The following PDE4D variants were observed in gnomAD, a reference collection of about 807,000 sequenced individuals.
The protein encoded by PDE4D is 3',5'-cyclic-AMP phosphodiesterase 4D.
In PDE4D, 24 loss-of-function variants were observed where a neutral mutation model predicts 87.4. The observed-to-expected ratio is 0.27, with a 90% CI of 0.20 to 0.39. PDE4D has a LOEUF of 0.39. Ranked by LOEUF, PDE4D falls within the 10% of genes least tolerant of loss-of-function variation. The pLI is 1.00. For synonymous variants in PDE4D, 384 were observed against 383.2 expected (o/e 1.00, Z -0.02); for missense variants, 714 against 1,041.0 (o/e 0.69, Z 4.32).
intron 1 of PDE4D, among the ~76,000 whole-genome samples, chr5:60,307,613 T>A (rs1162660828): frequency 6.6e-6 from 1 of 151,956 alleles, no homozygotes; most frequent in African/African-American, 2.4e-5. Context: ...AACTGTGAAA[T>A]TGCCTCAACT....
chr5:60,399,138 A>G lies in PDE4D; in HGVS notation c.-90+88804T>C, dbSNP rs528292404. ...CATTCTAGGCCTATTTTATAGTTGC[A>G]CTCTCAGAAGGTGTGTTCACTTCTC... On this transcript the variant is annotated intron_variant, in intron 1 of 16. Transcript: ENST00000502484. Among the ~76,000 whole-genome samples the G allele has an allele frequency of 5.8e-4, 89 of 152,174 alleles. 1 individual carries two copies. The highest frequency in any genetic ancestry group is 2.0e-3 in the African/African-American group (83 of 41,504).
At chr5:59,897,719 C>A (rs1316663435), upstream of PDE4D, among the ~76,000 whole-genome samples, 1 of 151,826 alleles carries the variant, frequency 6.6e-6, no homozygotes, top group Non-Finnish European at 1.5e-5. Flanking sequence ...TGCATACATT[C>A]TATGTATACT....
chr5:59,956,472 T>TG (rs879454223), intron 3 of PDE4D, among the ~76,000 whole-genome samples: 9 of 152,040 alleles, frequency 5.9e-5, no homozygotes, highest in South Asian at 2.1e-4. Context: ...ATACTCATTG[T>TG]GGAAAAAAAA....
intron 2 of PDE4D, among the ~76,000 whole-genome samples, chr5:60,114,933 G>C (rs1778009505): frequency 6.7e-6 from 1 of 148,892 alleles, no homozygotes; most frequent in East Asian, 2.0e-4. Context: ...ACATAGATTA[G>C]ATAGATACAT....
In PDE4D at chr5:60,295,810, T is replaced by C. The variant is rs577987046; in HGVS notation, c.-89-110123A>G. Reference sequence around the variant, plus strand: ...CAGACTGACTTGCTTGGTTCACCTATGTCTTTAGATCCCCTTGCCTATTAA... The same window carrying C: ...CAGACTGACTTGCTTGGTTCACCTACGTCTTTAGATCCCCTTGCCTATTAA... On this transcript the variant is annotated intron_variant, in intron 1 of 16. Transcript: ENST00000502484. Among the ~76,000 whole-genome samples, 6 of 152,332 alleles carry C rather than the reference T, an allele frequency of 3.9e-5. No homozygotes were observed. In the South Asian group the frequency reaches 1.2e-3, roughly 32 times the overall value.
intron 1 of PDE4D, among the ~76,000 whole-genome samples, chr5:59,670,269 T>C (rs1195072384): frequency 6.6e-6 from 1 of 152,194 alleles, no homozygotes; most frequent in South Asian, 2.1e-4. Flanking sequence ...GTAAGTATCA[T>C]CTATTATTGT....
chr5:59,686,170 A>G (rs944059982), intron 1 of PDE4D, among the ~76,000 whole-genome samples: 17 of 152,170 alleles, frequency 1.1e-4, no homozygotes, highest in Middle Eastern at 3.2e-3. Context: ...ACTGAAAAAG[A>G]TTATAACAAT....
At chr5:60,262,872 G>T (rs1749796151) in intron 1 of PDE4D, among the ~76,000 whole-genome samples, 1 of 152,156 alleles carries the variant, frequency 6.6e-6, no homozygotes, top group East Asian at 1.9e-4. Flanking sequence ...AATGCAGTTG[G>T]AATCAAAGTA....
chr5:59,504,014 T>G (rs1808789168), intron 1 of PDE4D, among the ~76,000 whole-genome samples: 1 of 152,202 alleles, frequency 6.6e-6, no homozygotes, highest in Non-Finnish European at 1.5e-5. Flanking sequence ...TAGGATGAGT[T>G]GGTTTCTTTT....
chr5:60,187,033 G>A (rs1415421866), intron 1 of PDE4D, among the ~76,000 whole-genome samples: 2 of 152,136 alleles, frequency 1.3e-5, no homozygotes, highest in South Asian at 2.1e-4. Context: ...GAGAAGTAAG[G>A]TTCACTGTGG....
intron 1 of PDE4D, among the ~76,000 whole-genome samples, chr5:59,760,755 C>G (rs1761871057): frequency 6.6e-6 from 1 of 152,122 alleles, no homozygotes; most frequent in Non-Finnish European, 1.5e-5. Context: ...TTAATGTTTT[C>G]AAAGTAGCTT....
chr5:59,821,650 AGC>A (rs1769693188), intron 1 of PDE4D, among the ~76,000 whole-genome samples: 1 of 152,170 alleles, frequency 6.6e-6, no homozygotes. Context: ...TATATTGTTG[AGC>A]ACATGTGCAT....
chr5:60,067,601 T>C (rs917829027), intron 2 of PDE4D, among the ~76,000 whole-genome samples: 1 of 152,136 alleles, frequency 6.6e-6, no homozygotes, highest in Non-Finnish European at 1.5e-5. Context: ...CAAATGCATA[T>C]GTGTACAATA....
chr5:59,711,521 A>G (rs1334301221), intron 1 of PDE4D, among the ~76,000 whole-genome samples: 1 of 152,070 alleles, frequency 6.6e-6, no homozygotes, highest in African/African-American at 2.4e-5. Flanking sequence ...AATTGTCTGC[A>G]TATTTTTTAT....
At chr5:59,420,037 C>G (rs1562152949) in intron 1 of PDE4D, among the ~76,000 whole-genome samples, 2 of 152,148 alleles carry the variant, frequency 1.3e-5, no homozygotes, top group Non-Finnish European at 2.9e-5. Flanking sequence ...TGGAATTGCT[C>G]TATTGGAATT....
intron 5 of PDE4D, chr5:59,063,353 A>G (rs1339415499): frequency 2.0e-5 from 3 of 152,228 alleles, no homozygotes; most frequent in Non-Finnish European, 4.4e-5. Flanking sequence ...TCTTTCTTTC[A>G]ACATTCTTGT....
chr5:59,559,715 A>T (rs991708798), intron 1 of PDE4D, among the ~76,000 whole-genome samples: 13 of 151,352 alleles, frequency 8.6e-5, no homozygotes, highest in African/African-American at 1.9e-4. Context: ...AGAAAAGATT[A>T]AAAAAAAATG....
At chr5:59,652,770 C>T (rs1312345657) in intron 1 of PDE4D, among the ~76,000 whole-genome samples, 1 of 151,880 alleles carries the variant, frequency 6.6e-6, no homozygotes, top group African/African-American at 2.4e-5. Flanking sequence ...TCAGGAAACA[C>T]TCATTTCAAC....
chr5:59,815,212 C>T (rs1561705629), intron 1 of PDE4D, among the ~76,000 whole-genome samples: 2 of 152,158 alleles, frequency 1.3e-5, no homozygotes, highest in Admixed American at 6.5e-5. Context: ...GATGGGAGAC[C>T]TCGGTTGGGA....
Sources: allele counts gnomAD v4.1 joint callset (sites outside exome capture counted in the v4.1 genomes callset), GRCh38; gene constraint gnomAD v4.1.1; transcripts MANE v1.5; gene names NCBI Gene and HGNC (gene_info 2026-07-23, HGNC 2026-07-21).